Variants in CTNNA2 observed in about 807,000 individuals in gnomAD.
CTNNA2 encodes catenin alpha-2.
Under a neutral mutation model 101.0 loss-of-function variants are expected in CTNNA2, and 42 were observed. The ratio of observed to expected loss-of-function variants is 0.42; its 90% CI spans 0.32 to 0.54. CTNNA2 has a LOEUF of 0.54. Ranked by LOEUF, CTNNA2 falls within the 20% of genes least tolerant of loss-of-function variation. The pLI is 0.14. For missense variants in CTNNA2, 871 were observed against 1,223.1 expected (o/e 0.71, Z 4.29); for synonymous variants, 450 against 456.4 (o/e 0.99, Z 0.18).
rs537299285 is a variant in CTNNA2, at chr2:80,091,785, G to T, written c.1056+181988G>T. Among the ~76,000 whole-genome samples the T allele has an allele frequency of 7.2e-5, 11 of 152,084 alleles. No individual in the cohort carries two copies. In the South Asian group the frequency reaches 2.3e-3, roughly 32 times the overall value. ...CAGGTTTGAGCTTCAAGACAATATT[G>T]GACCTATGAAGCCAAATCAATCAGT... On this transcript the variant is annotated intron_variant, in intron 7 of 18. Transcript: ENST00000402739.
intron 2 of CTNNA2, among the ~76,000 whole-genome samples, chr2:79,212,003 G>A (rs895102062): frequency 2.6e-5 from 4 of 152,136 alleles, no homozygotes; most frequent in African/African-American, 9.7e-5. Context: ...TATTGATGAT[G>A]GCCTGGATAT....
At chr2:79,916,461 G>T (rs1686209066) in intron 7 of CTNNA2, among the ~76,000 whole-genome samples, 1 of 132,654 alleles carries the variant, frequency 7.5e-6, no homozygotes, top group Admixed American at 8.9e-5. Context: ...ATTCCTCTGT[G>T]CATTTACACT....
chr2:80,522,161 A>G (rs912046247), intron 9 of CTNNA2, among the ~76,000 whole-genome samples: 1 of 152,196 alleles, frequency 6.6e-6, no homozygotes, highest in South Asian at 2.1e-4. Flanking sequence ...TCCAAAGTCC[A>G]TATTCGGAAA....
In CTNNA2 at chr2:79,952,183, A is replaced by G. The variant is rs148732639; in HGVS notation, c.1056+42386A>G. Among the ~76,000 whole-genome samples the G allele has an allele frequency of 8.9e-3, 1,361 of 152,140 alleles. 9 individuals carry two copies. The highest frequency in any genetic ancestry group is 0.014 in the Non-Finnish European group (981 of 67,976). ...CCAGGCCACCTAACTTAGCACTCCC[A>G]CTGCTTATTTTTTATAGTCTTCACT... On this transcript the variant is annotated intron_variant, in intron 7 of 18. Transcript: ENST00000402739.
intron 3 of CTNNA2, among the ~76,000 whole-genome samples, chr2:79,330,707 T>A (rs1676851763): frequency 6.6e-6 from 1 of 152,258 alleles, no homozygotes; most frequent in African/African-American, 2.4e-5. Context: ...TCTCAAGAGA[T>A]CTGATGGTCT....
chr2:79,887,605 T>C (rs1248319694), intron 6 of CTNNA2, among the ~76,000 whole-genome samples: 1 of 152,200 alleles, frequency 6.6e-6, no homozygotes, highest in African/African-American at 2.4e-5. Context: ...CTAGGATTTT[T>C]CTAACTTAGG....
intron 2 of CTNNA2, among the ~76,000 whole-genome samples, chr2:79,246,121 T>C (rs1452935968): frequency 6.6e-6 from 1 of 152,196 alleles, no homozygotes; most frequent in East Asian, 1.9e-4. Flanking sequence ...AGCTCAAGAT[T>C]GGGAAATATG....
intron 7 of CTNNA2, among the ~76,000 whole-genome samples, chr2:80,354,124 A>G (rs917029106): frequency 6.6e-6 from 1 of 152,186 alleles, no homozygotes; most frequent in East Asian, 1.9e-4. Flanking sequence ...TTAACCGTCA[A>G]CTAATGAGTC....
intron 2 of CTNNA2, among the ~76,000 whole-genome samples, chr2:79,731,751 T>C (rs1194246109): frequency 2.0e-5 from 3 of 152,070 alleles, no homozygotes; most frequent in Non-Finnish European, 4.4e-5. Context: ...ACATTTGAGA[T>C]ATCTTTAAAG....
At chr2:79,607,797 A>G (rs1182069639) in intron 1 of CTNNA2, among the ~76,000 whole-genome samples, 1 of 152,148 alleles carries the variant, frequency 6.6e-6, no homozygotes, top group African/African-American at 2.4e-5. Context: ...TCAGCACCCA[A>G]CACATATAAG....
chr2:80,634,979 G>C (rs1672717851), intron 18 of CTNNA2, among the ~76,000 whole-genome samples: 1 of 152,084 alleles, frequency 6.6e-6, no homozygotes. Context: ...GGAAGGTTGG[G>C]AACAGTCTAC....
At chr2:80,631,414 G>T (rs1450792689) in intron 18 of CTNNA2, among the ~76,000 whole-genome samples, 1 of 149,944 alleles carries the variant, frequency 6.7e-6, no homozygotes, top group Non-Finnish European at 1.5e-5. Flanking sequence ...GTCCGCTGAG[G>T]ATTCGATTCC....
rs570876348 is a variant in CTNNA2 at position 79,607,453 on chromosome 2, A to G, written c.-5-44099A>G. Among the ~76,000 whole-genome samples, 4 of 152,244 alleles carry G rather than the reference A, an allele frequency of 2.6e-5. No individual in the cohort carries two copies. In the South Asian group the frequency reaches 8.3e-4, roughly 32 times the overall value. On this transcript the variant is annotated intron_variant, in intron 1 of 18. Transcript: ENST00000402739. ...CACTCAATAACTGCAGAATACATAC[A>G]TTTTTCCAAATACAAACAGGTAATT...
chr2:79,310,319 G>A (rs900438467), intron 2 of CTNNA2, among the ~76,000 whole-genome samples: 1 of 152,068 alleles, frequency 6.6e-6, no homozygotes, highest in Non-Finnish European at 1.5e-5. Flanking sequence ...TCATTATGGA[G>A]GTTTTTGAAA....
chr2:79,599,149 T>C (rs1677389776), intron 1 of CTNNA2, among the ~76,000 whole-genome samples: 1 of 152,198 alleles, frequency 6.6e-6, no homozygotes, highest in Non-Finnish European at 1.5e-5. Flanking sequence ...CGTCCTGTTC[T>C]ATTCATCTAT....
intron 12 of CTNNA2, among the ~76,000 whole-genome samples, chr2:80,569,850 C>G (rs74526783): frequency 2.0e-5 from 3 of 151,136 alleles, no homozygotes; most frequent in Non-Finnish European, 3.0e-5. Context: ...CACTGTGTTA[C>G]CCAGGATGGT....
chr2:80,545,749 T>G (rs1263678969), intron 10 of CTNNA2, among the ~76,000 whole-genome samples, 158 bp from the exon 11 acceptor site: 1 of 152,160 alleles, frequency 6.6e-6, no homozygotes, highest in Non-Finnish European at 1.5e-5. Flanking sequence ...GTTGAAAATC[T>G]CCTTTATCTT....
intron 7 of CTNNA2, among the ~76,000 whole-genome samples, chr2:80,371,933 A>G (rs919703588): frequency 6.6e-6 from 1 of 152,202 alleles, no homozygotes. Flanking sequence ...AACTGGTGAC[A>G]TGAAATGACG....
At chr2:79,512,485 ACTCT>A (rs1180573237), upstream of CTNNA2, among the ~76,000 whole-genome samples, 7 of 151,720 alleles carry the variant, frequency 4.6e-5, no homozygotes, top group African/African-American at 1.7e-4. Flanking sequence ...CCTTTGCAGC[ACTCT>A]GGCCCTGCCC....
Sources: gnomAD v4.1 joint callset for allele counts (sites outside exome capture counted in the v4.1 genomes callset) on GRCh38, gnomAD v4.1.1 for gene constraint, MANE v1.5 for transcripts, NCBI Gene and HGNC (gene_info 2026-07-23, HGNC 2026-07-21) for gene names.